LMNTD1: variants seen among roughly 807,000 people sequenced by gnomAD.
LMNTD1 encodes the protein lamin tail domain-containing protein 1.
Under a neutral mutation model 50.9 loss-of-function variants are expected in LMNTD1, and 35 were observed. The ratio of observed to expected loss-of-function variants is 0.69; its 90% CI spans 0.53 to 0.91. LMNTD1 has a LOEUF of 0.91. LMNTD1 is among the 40% of genes least tolerant of loss of function. The pLI is 0.00. For missense variants in LMNTD1, 470 were observed against 475.5 expected (o/e 0.99, Z 0.11); for synonymous variants, 153 against 161.9 (o/e 0.94, Z 0.42).
At chr12:25,479,711 G>A (rs1938382193) in intron 9 of LMNTD1, among the ~76,000 whole-genome samples, 3 of 152,182 alleles carry the variant, frequency 2.0e-5, no homozygotes, top group Non-Finnish European at 4.4e-5. Context: ...GAAGTGTTAT[G>A]TGCAGGATAG....
intron 1 of LMNTD1, among the ~76,000 whole-genome samples, chr12:25,595,752 A>AAACAGC (rs926389965): frequency 1.3e-5 from 2 of 152,094 alleles, no homozygotes; most frequent in African/African-American, 4.8e-5. Context: ...AATGAAAGTG[A>AAACAGC]AACAGCAACA....
At chr12:25,489,424 G>C (rs538022499) in intron 9 of LMNTD1, among the ~76,000 whole-genome samples, 1 of 151,010 alleles carries the variant, frequency 6.6e-6, no homozygotes, top group Non-Finnish European at 1.5e-5. Flanking sequence ...ATTTGACTCG[G>C]AAAGGGAACT....
chr12:25,532,045 T>C (rs1357043875), intron 4 of LMNTD1, among the ~76,000 whole-genome samples: 1 of 152,126 alleles, frequency 6.6e-6, no homozygotes, highest in Non-Finnish European at 1.5e-5. Flanking sequence ...TTTTAGTCAT[T>C]GTTAGTTTGA....
intron 4 of LMNTD1, among the ~76,000 whole-genome samples, chr12:25,538,836 G>A (rs1245798886): frequency 1.0e-3 from 130 of 125,242 alleles, no homozygotes; most frequent in Middle Eastern, 3.5e-3. Flanking sequence ...CCCATCTCAC[G>A]TGCAGAGACA....
chr12:25,562,636 G>A (rs1031651061), intron 1 of LMNTD1, among the ~76,000 whole-genome samples: 1 of 152,204 alleles, frequency 6.6e-6, no homozygotes, highest in Non-Finnish European at 1.5e-5. Context: ...TTCTCGAGAA[G>A]TATCTTTGTG....
At chr12:25,552,770 T>C (rs1319277110) in intron 2 of LMNTD1, 101 bp downstream of exon 2, 2 of 703,682 alleles carry the variant, frequency 2.8e-6, no homozygotes, top group Non-Finnish European at 5.0e-6. Context: ...TAGTTCTAAC[T>C]GGTTCATAAG....
chr12:25,484,661 C>A (rs1055268209), intron 9 of LMNTD1, among the ~76,000 whole-genome samples: 3 of 123,456 alleles, frequency 2.4e-5, no homozygotes, highest in East Asian at 5.5e-4. Flanking sequence ...CCCCTCCCCC[C>A]ACCCCACCAC....
intron 1 of LMNTD1, among the ~76,000 whole-genome samples, chr12:25,635,251 A>AT (rs551267217): frequency 2.4e-5 from 1 of 42,494 alleles, no homozygotes; most frequent in East Asian, 3.8e-4. Flanking sequence ...AAAAAAAAAA[A>AT]GAAAAAAAAA....
intron 1 of LMNTD1, among the ~76,000 whole-genome samples, chr12:25,559,522 T>G (rs1944198438): frequency 6.6e-6 from 1 of 152,244 alleles, no homozygotes; most frequent in South Asian, 2.1e-4. Context: ...GCATGTGTCA[T>G]TATAGCAGCA....
intron 8 of LMNTD1, among the ~76,000 whole-genome samples, chr12:25,513,085 A>G (rs1940431359): frequency 6.6e-6 from 1 of 152,184 alleles, no homozygotes; most frequent in South Asian, 2.1e-4. Context: ...AACCGCCTAC[A>G]TTGTAGAATT....
chr12:25,477,961 G>A (rs1938324598), intron 9 of LMNTD1, among the ~76,000 whole-genome samples: 2 of 152,112 alleles, frequency 1.3e-5, no homozygotes, highest in African/African-American at 4.8e-5. Context: ...TTGAGGGCAG[G>A]AAGCATCCAG....
At chr12:25,625,580 A>G (rs1049930753) in intron 1 of LMNTD1, among the ~76,000 whole-genome samples, 6 of 152,118 alleles carry the variant, frequency 3.9e-5, no homozygotes, top group Non-Finnish European at 8.8e-5. Flanking sequence ...TGCCTTCTCC[A>G]ATTGAGCCCC....
At chr12:25,486,472 T>A (rs1182552474) in intron 9 of LMNTD1, among the ~76,000 whole-genome samples, 1 of 144,562 alleles carries the variant, frequency 6.9e-6, no homozygotes, top group Non-Finnish European at 1.5e-5. Flanking sequence ...TGACTTCCTC[T>A]TTTCCTAATT....
chr12:25,611,063 G>T (rs1565518384), intron 1 of LMNTD1, among the ~76,000 whole-genome samples: 1 of 152,112 alleles, frequency 6.6e-6, no homozygotes, highest in Non-Finnish European at 1.5e-5. Context: ...AAAGTGAAGA[G>T]AACGAAGAGA....
intron 1 of LMNTD1, among the ~76,000 whole-genome samples, chr12:25,617,561 C>A (rs1423499401): frequency 6.6e-6 from 1 of 152,020 alleles, no homozygotes; most frequent in East Asian, 1.9e-4. Context: ...TGCAGAAGAG[C>A]CCATCTGATG....
At chr12:25,516,031 C>T (rs1940737075) in intron 8 of LMNTD1, among the ~76,000 whole-genome samples, 1 of 152,046 alleles carries the variant, frequency 6.6e-6, no homozygotes, top group Admixed American at 6.6e-5. Flanking sequence ...AATTAACAAA[C>T]CATGTAACTT....
intron 8 of LMNTD1, among the ~76,000 whole-genome samples, chr12:25,510,679 G>C (rs1940202545): frequency 6.6e-6 from 1 of 151,252 alleles, no homozygotes; most frequent in South Asian, 2.1e-4. Context: ...TCTAGATTTG[G>C]GGATATTTTG....
At chr12:25,563,417 C>T (rs1002761342) in intron 1 of LMNTD1, among the ~76,000 whole-genome samples, 17 of 152,346 alleles carry the variant, frequency 1.1e-4, no homozygotes, top group African/African-American at 2.2e-4. Context: ...CCACTCCAAA[C>T]GCTGTTTGCC....
chr12:25,518,135 A>T (rs1307215806), intron 8 of LMNTD1, among the ~76,000 whole-genome samples: 1 of 152,198 alleles, frequency 6.6e-6, no homozygotes, highest in African/African-American at 2.4e-5. Flanking sequence ...TGGTGTACTA[A>T]ACAGGCTTTC....
Sources: allele counts gnomAD v4.1 joint callset (sites outside exome capture counted in the v4.1 genomes callset), GRCh38; gene constraint gnomAD v4.1.1; transcripts MANE v1.5; gene names NCBI Gene and HGNC (gene_info 2026-07-23, HGNC 2026-07-21).